CLDND1: variants seen among roughly 807,000 people sequenced by gnomAD.
CLDND1 encodes claudin domain containing 1.
A neutral mutation model predicts 26.3 loss-of-function variants in CLDND1; 13 were observed. The observed-to-expected ratio is 0.49, with a 90% CI of 0.32 to 0.78. CLDND1 has a LOEUF of 0.78. Among genes scored for constraint, CLDND1 ranks in the 30% least tolerant of loss-of-function variants. The probability of loss-of-function intolerance (pLI) is 0.03; values close to 1 mark genes in which losing one functional copy is unlikely to be tolerated. For synonymous variants in CLDND1, 107 were observed against 107.0 expected (o/e 1.00, Z 0.00); for missense variants, 289 against 312.8 (o/e 0.92, Z 0.57).
Position 98,516,794 on chromosome 3 carries a change from G to A in CLDND1, c.627C>T (p.Ser209=), listed in dbSNP as rs141077657. ...HQKLELPDNV[S]GEFGWSFCLA... ...GGCAGAAGGACCATCCAAATTCACC[G>A]GATACATTGTCAGGGAGCTCTAGTT... Residue 209 remains serine (S), a synonymous_variant, in exon 5 of 5, where the codon TCC becomes TCT. Transcript: ENST00000341181. The A allele has an allele frequency of 3.0e-5, 48 of 1,614,094 alleles. No individual in the cohort carries two copies. Among genetic ancestry groups the A allele is most frequent in the Admixed American group, 1.2e-4 (7 of 60,026 alleles).
intron 1 of CLDND1, 183 bp from the exon 2 acceptor site, chr3:98,521,625 T>A (rs1313068341): frequency 6.3e-7 from 1 of 1,592,564 alleles, no homozygotes; most frequent in African/African-American, 1.3e-5. Flanking sequence ...CTCATTCTCA[T>A]AAAAGTACTT....
chr3:98,518,894 G>A lies in CLDND1; in HGVS notation c.394C>T (p.Leu132Phe). ...AAATCAAAGTACTCACAGGTCCTAA[G>A]GAGATCAATCCCGCTATTGTGGTTT... ...PGNHNSGIDL[L>F]RTYLWRCQFL... is the part of the protein sequence containing the mutation. Residue 132 changes from leucine to phenylalanine, a missense_variant, in exon 3 of 5, where the codon CTT becomes TTT. Leu to Phe is a conservative substitution (Grantham distance 22). Transcript: ENST00000341181. 1 of 1,598,312 alleles carries A rather than the reference G, an allele frequency of 6.3e-7. No individual in the cohort carries two copies. The highest frequency in any genetic ancestry group is 8.6e-7 in the Non-Finnish European group (1 of 1,165,640).
chr3:98,516,523 T>C lies in CLDND1; in HGVS notation c.*136A>G. 1 of 1,418,836 alleles carries C rather than the reference T, an allele frequency of 7.0e-7. No individual in the cohort carries two copies. 87.9% of individuals were successfully genotyped at this position (1,418,836 alleles called of 1,614,324 possible). ...TTAAGTGTGTATTTAGTGGTGAATG[T>C]GTATAAATAAAATAGATTTTCATAA... On this transcript the variant is annotated 3_prime_UTR_variant, in exon 5 of 5. Transcript: ENST00000341181.
At chr3:98,520,045 T>C (rs1706337899) in intron 2 of CLDND1, among the ~76,000 whole-genome samples, 1 of 152,198 alleles carries the variant, frequency 6.6e-6, no homozygotes, top group South Asian at 2.1e-4. Flanking sequence ...TGAATAATTA[T>C]TTATTCTGTT....
Position 98,521,210 on chromosome 3 carries a change from T to C in CLDND1, c.215A>G (p.Asn72Ser), listed in dbSNP as rs775025145. ...KTYNDALFRY[N>S]GTVGLWRRCI... is the part of the protein sequence containing the mutation. ...CCGTCTCCACAATCCCACTGTGCCATTGTATCGAAAAAGTGCATCATTATA... is the reference window on the plus strand; with the variant it reads ...CCGTCTCCACAATCCCACTGTGCCACTGTATCGAAAAAGTGCATCATTATA... The change falls in exon 2 of 5, where the codon AAT (asparagine) becomes AGT (serine). Residue 72 changes from asparagine to serine, a missense_variant. Transcript: ENST00000341181. 1.3e-5 allele frequency: 21 copies of C among 1,614,080 alleles called. No individual in the cohort carries two copies. Among genetic ancestry groups the C allele is most frequent in the South Asian group, 3.3e-5 (3 of 91,088 alleles).
At chr3:98,522,681 C>G (rs1706477993) in intron 1 of CLDND1, 168 bp downstream of exon 1, 1 of 1,456,122 alleles carries the variant, frequency 6.9e-7, no homozygotes, top group Non-Finnish European at 9.0e-7. Context: ...CCAGGGTCCC[C>G]CGGTACCCGA....
At chr3:98,518,117 A>T (rs1706233739) in intron 3 of CLDND1, among the ~76,000 whole-genome samples, 1 of 152,208 alleles carries the variant, frequency 6.6e-6, no homozygotes, top group Non-Finnish European at 1.5e-5. Flanking sequence ...CATTATTAGA[A>T]ATGCATTCAT....
chr3:98,522,434 G>A, intron 1 of CLDND1: 1 of 680,516 alleles, frequency 1.5e-6, no homozygotes, highest in Non-Finnish European at 1.9e-6. Context: ...TTGGAAAATG[G>A]GAAGTGACTC....
rs895178679 is a variant in CLDND1, at chr3:98,515,990, A to G, written c.*669T>C. 8.5e-7 allele frequency: 1 copy of G among 1,183,180 alleles called. No individual in the cohort carries two copies. Among genetic ancestry groups the G allele is most frequent in the Non-Finnish European group, 1.1e-6 (1 of 939,066 alleles). The allele number at this position is 1,183,180 out of a possible 1,614,324, so 73.3% of individuals were successfully genotyped here. ...AAAATCTTACGGAGAGTTAAAAATA[A>G]TACTAATCCTCGCCCGGCTGAACTG... On this transcript the variant is annotated 3_prime_UTR_variant, in exon 5 of 5. Transcript: ENST00000341181.
At chr3:98,519,442 T>C (rs193204369) in intron 2 of CLDND1, among the ~76,000 whole-genome samples, 109 of 152,362 alleles carry the variant, frequency 7.2e-4, no homozygotes, top group African/African-American at 2.6e-3. Flanking sequence ...GAATTCTTCC[T>C]TCAAACTATG....
chr3:98,518,725 T>C (rs1350024282), intron 3 of CLDND1, 160 bp downstream of exon 3: 2 of 580,052 alleles, frequency 3.4e-6, no homozygotes, highest in African/African-American at 3.8e-5. Context: ...ATCTACCTTC[T>C]AAAATATCAA....
In CLDND1 at chr3:98,521,160, G is replaced by A. The variant is rs1372328936; in HGVS notation, c.265C>T (p.His89Tyr). 1 of 1,613,836 alleles carries A rather than the reference G, an allele frequency of 6.2e-7. No homozygotes were observed. Among genetic ancestry groups the A allele is most frequent in the Admixed American group, 1.7e-5 (1 of 60,026 alleles). The change falls in exon 2 of 5, where the codon CAT (histidine) becomes TAT (tyrosine). Residue 89 changes from histidine (H) to tyrosine (Y), a missense_variant. Physicochemically the swap from His to Tyr is moderately conservative, Grantham distance 83. Coordinates refer to ENST00000341181, the MANE Select transcript of CLDND1 (RefSeq NM_001040181.2). ...RRCITIPKNMHWYSPPERTES... is the reference protein window; with the variant it reads ...RRCITIPKNMYWYSPPERTES... ...GTCCTTTCTGGTGGGCTATACCAAT[G>A]CATGTTTTTGGGTATGGTGATACAC...
chr3:98,515,787 C>T lies in CLDND1; in HGVS notation c.*872G>A, dbSNP rs1174337783. 1 of 1,289,728 alleles carries T rather than the reference C, an allele frequency of 7.8e-7. No individual in the cohort carries two copies. The highest frequency in any genetic ancestry group is 5.5e-5 in the East Asian group (1 of 18,028). The allele number at this position is 1,289,728 out of a possible 1,614,324, so 79.9% of individuals were successfully genotyped here. Reference sequence around the variant, plus strand: ...ACTTTAGATCTTGTGGTAGGTTTCCCAGCTCTGGAGGGTCATTATGGTGAA... The same window carrying T: ...ACTTTAGATCTTGTGGTAGGTTTCCTAGCTCTGGAGGGTCATTATGGTGAA... On this transcript the variant is annotated 3_prime_UTR_variant, in exon 5 of 5. Coordinates refer to ENST00000341181, the MANE Select transcript of CLDND1 (RefSeq NM_001040181.2).
chr3:98,515,690 T>C lies in CLDND1; in HGVS notation c.*969A>G, dbSNP rs1388533152. On this transcript the variant is annotated 3_prime_UTR_variant, in exon 5 of 5. Coordinates refer to ENST00000341181, the MANE Select transcript of CLDND1 (RefSeq NM_001040181.2). ...ATGTTGATACACACCAGGAAGGGAT[T>C]TAGGCAAGGAAAGGCACATCATATT... is the stretch of plus-strand genomic sequence containing the variant. 7.8e-7 allele frequency: 1 copy of C among 1,285,902 alleles called. No homozygotes were observed. The highest frequency in any genetic ancestry group is 1.5e-5 in the African/African-American group (1 of 65,670). 79.7% of individuals were successfully genotyped at this position (1,285,902 alleles called of 1,614,324 possible). A position where few individuals can be genotyped will look rare whatever the true frequency, so the allele number is the denominator to read the frequency against.
rs1706106300 is a variant in CLDND1 at position 98,515,668 on chromosome 3, T to C, written c.*991A>G. 5 of 1,260,616 alleles carry C rather than the reference T, an allele frequency of 4.0e-6. No individual in the cohort carries two copies. Among genetic ancestry groups the C allele is most frequent in the Non-Finnish European group, 5.1e-6 (5 of 974,322 alleles). The allele number at this position is 1,260,616 out of a possible 1,614,324, so 78.1% of individuals were successfully genotyped here. Reference sequence around the variant, plus strand: ...CTGAATTAGAAGACATTAAATAATGTTGATACACACCAGGAAGGGATTTAG... The same window carrying C: ...CTGAATTAGAAGACATTAAATAATGCTGATACACACCAGGAAGGGATTTAG... On this transcript the variant is annotated 3_prime_UTR_variant, in exon 5 of 5. Coordinates refer to ENST00000341181, the MANE Select transcript of CLDND1 (RefSeq NM_001040181.2).
chr3:98,517,273 T>G, intron 3 of CLDND1, 84 bp from the exon 4 acceptor site: 1 of 1,460,600 alleles, frequency 6.8e-7, no homozygotes. Context: ...CATATTCTAA[T>G]TAGATCTTTT....
intron 1 of CLDND1, chr3:98,522,266 C>T (rs967616656): frequency 6.3e-6 from 1 of 158,314 alleles, no homozygotes; most frequent in African/African-American, 2.4e-5. Context: ...ACTCCCAAGG[C>T]GTGGACAGGG....
rs778915845 is a variant in CLDND1 at position 98,521,454 on chromosome 3, T to C, written c.-18-12A>G. 9.7e-5 allele frequency: 156 copies of C among 1,602,604 alleles called. No individual in the cohort carries two copies. The highest frequency in any genetic ancestry group is 1.2e-4 in the Non-Finnish European group (143 of 1,173,866). On this transcript the variant is annotated splice_polypyrimidine_tract_variant and intron_variant, in intron 1 of 4. Coordinates refer to ENST00000341181, the MANE Select transcript of CLDND1 (RefSeq NM_001040181.2). Reference sequence around the variant, plus strand: ...GCATTCAGACTGCTCTGTTTAGAAGTTGAAGAAAGAAGATAAGTTAGAGTT... The same window carrying C: ...GCATTCAGACTGCTCTGTTTAGAAGCTGAAGAAAGAAGATAAGTTAGAGTT...
rs1056440047 is a variant in CLDND1, at chr3:98,515,916, G to C, written c.*743C>G. The stretch of plus-strand genomic sequence containing the variant: ...AAGAAAGCACACTTTTAATAACCCT[G>C]GTATGTGAAGAGGAAAGAAAAAAAA... On this transcript the variant is annotated 3_prime_UTR_variant, in exon 5 of 5. Transcript: ENST00000341181. The C allele has an allele frequency of 6.1e-5, 76 of 1,247,986 alleles. 2 individuals carry two copies. The South Asian group carries it at 9.8e-4, about 16-fold the overall frequency. 77.3% of individuals were successfully genotyped at this position (1,247,986 alleles called of 1,614,324 possible).
Sources: allele counts gnomAD v4.1 joint callset (sites outside exome capture counted in the v4.1 genomes callset), GRCh38; gene constraint gnomAD v4.1.1; transcripts MANE v1.5; gene names NCBI Gene and HGNC (gene_info 2026-07-23, HGNC 2026-07-21).